The following PCDH19 variants were observed in gnomAD, a reference collection of about 807,000 sequenced individuals.
The protein encoded by PCDH19 is protocadherin-19.
A neutral mutation model predicts 46.2 loss-of-function variants in PCDH19; 6 were observed. The observed-to-expected ratio is 0.13, with a 90% confidence interval of 0.07 to 0.26. PCDH19 has a LOEUF of 0.26. Among genes scored for constraint, PCDH19 ranks in the 10% least tolerant of loss-of-function variants. PCDH19 has a pLI of 1.00. For synonymous variants in PCDH19, 481 were observed against 415.7 expected (o/e 1.16, Z -1.91); for missense variants, 740 against 972.3 (o/e 0.76, Z 3.18).
Position 100,363,856 on chromosome X carries a change from C to T in PCDH19, c.2617-13152G>A, listed in dbSNP as rs200267708. On this transcript the variant is annotated intron_variant, in intron 3 of 5. Transcript: ENST00000373034. ...AGACACTTTAGGTAGAATGTGCGTG[C>T]GTGTGTGTGTGTGTGTGTGTGTGTG... Among the ~76,000 whole-genome samples the T allele has an allele frequency of 2.2e-3, 194 of 88,965 alleles. 2 individuals are homozygous for T. The highest frequency in any genetic ancestry group is 8.0e-3 in the African/African-American group (183 of 22,881). 77.3% of individuals were successfully genotyped at this position (88,965 alleles called of 115,157 possible).
chrX:100,378,497 C>T (rs1315707225), intron 3 of PCDH19, among the ~76,000 whole-genome samples: 2 of 112,502 alleles, frequency 1.8e-5, no homozygotes, highest in South Asian at 3.7e-4. Flanking sequence ...TTATGAGGAG[C>T]TATAACCGTG....
intron 5 of PCDH19, among the ~76,000 whole-genome samples, chrX:100,309,177 C>CACACACACACACAT (rs1461119006): frequency 9.0e-6 from 1 of 110,677 alleles, no homozygotes; most frequent in Admixed American, 9.6e-5. Flanking sequence ...CACACACACA[C>CACACACACACACAT]ACACCATGGA....
intron 1 of PCDH19, among the ~76,000 whole-genome samples, chrX:100,406,006 G>A (rs1382318708): frequency 2.7e-5 from 3 of 110,557 alleles, no homozygotes; most frequent in Non-Finnish European, 5.7e-5. Context: ...ACTGCAACAA[G>A]ACAGGGTAGC....
At chrX:100,386,647 G>C (rs1927724212) in intron 3 of PCDH19, among the ~76,000 whole-genome samples, 1 of 111,363 alleles carries the variant, frequency 9.0e-6, no homozygotes, top group Non-Finnish European at 1.9e-5. Flanking sequence ...TGAATCTTAA[G>C]TTGCTCCATA....
intron 3 of PCDH19, among the ~76,000 whole-genome samples, chrX:100,385,346 C>A (rs947842045): frequency 9.1e-6 from 1 of 110,346 alleles, no homozygotes; most frequent in Non-Finnish European, 1.9e-5. Context: ...GGGGGAAATA[C>A]CACTTTTAAA....
intron 4 of PCDH19, among the ~76,000 whole-genome samples, chrX:100,348,955 T>TC (rs1430931279): frequency 1.4e-5 from 1 of 70,243 alleles, no homozygotes; most frequent in Admixed American, 1.5e-4. Context: ...TGGTGGGGGG[T>TC]GGGGGGGAGG....
At chrX:100,395,353 T>C (rs1029005662) in intron 3 of PCDH19, among the ~76,000 whole-genome samples, 4 of 112,456 alleles carry the variant, frequency 3.6e-5, no homozygotes, top group African/African-American at 1.3e-4. Flanking sequence ...GCATGGGGTC[T>C]AATTTACAAA....
At chrX:100,333,174 G>GGAGGGAGA in intron 5 of PCDH19, among the ~76,000 whole-genome samples, 1 of 28,953 alleles carries the variant, frequency 3.5e-5, no homozygotes, top group Non-Finnish European at 6.5e-5. Context: ...AGGAAGGAAG[G>GGAGGGAGA]GAGAGAGAGA....
At chrX:100,375,367 T>A (rs2046997526) in intron 3 of PCDH19, among the ~76,000 whole-genome samples, 1 of 111,909 alleles carries the variant, frequency 8.9e-6, no homozygotes, top group African/African-American at 3.3e-5. Context: ...GTCCTTGCGA[T>A]AGTTTGCTGA....
chrX:100,328,844 G>C (rs989163370), intron 5 of PCDH19, among the ~76,000 whole-genome samples: 1 of 112,518 alleles, frequency 8.9e-6, no homozygotes, highest in African/African-American at 3.2e-5. Context: ...ACTAACAGGA[G>C]CCTTAAAGTG....
chrX:100,305,404 T>A (rs1426845993), intron 5 of PCDH19, among the ~76,000 whole-genome samples: 1 of 111,638 alleles, frequency 9.0e-6, no homozygotes, highest in African/African-American at 3.3e-5. Context: ...CAGCACTATA[T>A]GAACTGCTAA....
At chrX:100,402,014 C>T (rs758025749) in intron 3 of PCDH19, among the ~76,000 whole-genome samples, 2 of 112,309 alleles carry the variant, frequency 1.8e-5, no homozygotes, top group South Asian at 7.5e-4. Flanking sequence ...CTTTGCCTCC[C>T]TTTAACCAGC....
At chrX:100,401,434 C>T (rs1357230286) in intron 3 of PCDH19, among the ~76,000 whole-genome samples, 2 of 111,684 alleles carry the variant, frequency 1.8e-5, no homozygotes, top group Non-Finnish European at 3.8e-5. Context: ...GGGAGGATCA[C>T]CTGCAGTCAG....
intron 3 of PCDH19, among the ~76,000 whole-genome samples, chrX:100,401,835 A>T (rs1015315056): frequency 8.2e-5 from 9 of 110,078 alleles, no homozygotes; most frequent in Non-Finnish European, 5.7e-5. Context: ...GGCTCAACCG[A>T]TTCTCCTGCC....
intron 3 of PCDH19, among the ~76,000 whole-genome samples, chrX:100,363,636 T>A (rs1348690220): frequency 2.0e-5 from 2 of 101,929 alleles, no homozygotes; most frequent in African/African-American, 7.1e-5. Flanking sequence ...TATATATATA[T>A]ATATGGGCAT....
At chrX:100,345,907 C>T (rs1032114221) in intron 4 of PCDH19, among the ~76,000 whole-genome samples, 5 of 111,813 alleles carry the variant, frequency 4.5e-5, no homozygotes, top group Admixed American at 9.5e-5. Flanking sequence ...GAGCAAGATG[C>T]CACATATTGT....
At position 100,292,370 on chromosome X, in the gene PCDH19, T is replaced by G. The variant is rs1190593311; in HGVS notation, c.*3907A>C. The G allele has an allele frequency of 1.8e-5, 2 of 112,957 alleles. No homozygotes were observed. Among genetic ancestry groups the G allele is most frequent in the Non-Finnish European group, 3.7e-5 (2 of 53,360 alleles). 9.3% of individuals were successfully genotyped at this position (112,957 alleles called of 1,213,427 possible). A position where few individuals can be genotyped will look rare whatever the true frequency, so the allele number is the denominator to read the frequency against. ...TGCTTTCCAATCAAGATCAGGTGTTTGTGGGTTATTCTTTACCAAGAGCGC... is the reference window on the plus strand; with the variant it reads ...TGCTTTCCAATCAAGATCAGGTGTTGGTGGGTTATTCTTTACCAAGAGCGC... On this transcript the variant is annotated 3_prime_UTR_variant, in exon 6 of 6. Coordinates refer to ENST00000373034, the MANE Select transcript of PCDH19 (RefSeq NM_001184880.2).
intron 3 of PCDH19, among the ~76,000 whole-genome samples, chrX:100,372,820 C>T (rs1026786488): frequency 1.8e-5 from 2 of 111,930 alleles, no homozygotes; most frequent in Admixed American, 1.9e-4. Flanking sequence ...TATGTGTGAT[C>T]TCAGAAAAAT....
chrX:100,340,104 T>C (rs1926208936), intron 5 of PCDH19, among the ~76,000 whole-genome samples: 1 of 111,742 alleles, frequency 8.9e-6, no homozygotes, highest in African/African-American at 3.2e-5. Context: ...TGGTGGTCTC[T>C]ACCTTCAACC....
Sources: gnomAD v4.1 joint callset for allele counts (sites outside exome capture counted in the v4.1 genomes callset) on GRCh38, gnomAD v4.1.1 for gene constraint, MANE v1.5 for transcripts, NCBI Gene and HGNC (gene_info 2026-07-23, HGNC 2026-07-21) for gene names.